ZNF143: variants seen among roughly 807,000 people sequenced by gnomAD.
The protein encoded by ZNF143 is zinc finger protein 143.
A neutral mutation model predicts 74.1 loss-of-function variants in ZNF143; 49 were observed. That is an observed-to-expected ratio of 0.66 (90% CI 0.53 to 0.84). The LOEUF (loss-of-function observed/expected upper bound fraction) is 0.84, where lower values mean the gene tolerates loss of function less well. Among genes scored for constraint, ZNF143 ranks in the 40% least tolerant of loss-of-function variants. The pLI, the probability that ZNF143 is intolerant of heterozygous loss-of-function variation, is 0.00. For missense variants in ZNF143, 637 were observed against 793.4 expected, an observed-to-expected ratio of 0.80 and a Z score of 2.37; for synonymous variants, 304 against 282.8, an observed-to-expected ratio of 1.07 and a Z score of -0.75.
intron 15 of ZNF143, 59 bp from the exon 16 acceptor site, chr11:9,527,471 C>T: frequency 6.6e-7 from 1 of 1,515,030 alleles, no homozygotes; most frequent in Non-Finnish European, 9.2e-7. Context: ...ATTTCTTTGG[C>T]ATTTTCTTGA....
chr11:9,509,840 T>C (rs1835655705), intron 12 of ZNF143, among the ~76,000 whole-genome samples: 1 of 152,196 alleles, frequency 6.6e-6, no homozygotes, highest in African/African-American at 2.4e-5. Context: ...ATTACATCAA[T>C]TGGGGAGATA....
At position 9,512,610 on chromosome 11, in the gene ZNF143, A is replaced by C. The variant is rs759275776; in HGVS notation, c.1524+14A>C. On this transcript the variant is annotated intron_variant, in intron 13 of 15. Coordinates refer to ENST00000396602, the MANE Select transcript of ZNF143 (RefSeq NM_003442.6). ...GGGACTCAGCATGTAAGTATCCACC[A>C]AAAGCCAAACAAATTAAATCTTTCT... The C allele has an allele frequency of 1.2e-6, 2 of 1,612,820 alleles. No homozygotes were observed. Among genetic ancestry groups the C allele is most frequent in the African/African-American group, 2.7e-5 (2 of 75,062 alleles).
chr11:9,480,544 A>G (rs1417110807), intron 7 of ZNF143, among the ~76,000 whole-genome samples: 1 of 152,308 alleles, frequency 6.6e-6, no homozygotes, highest in South Asian at 2.1e-4. Context: ...TTACATTTAT[A>G]TTAATAGTAA....
intron 5 of ZNF143, among the ~76,000 whole-genome samples, chr11:9,476,746 C>CATTTTTTTTTTTT (rs1856918662): frequency 2.9e-5 from 1 of 34,834 alleles, no homozygotes; most frequent in Non-Finnish European, 5.3e-5. Flanking sequence ...AGGGAGGAAT[C>CATTTTTTTTTTTT]TTTTTTTTTT....
At chr11:9,478,863 A>G (rs1041230372) in intron 6 of ZNF143, among the ~76,000 whole-genome samples, 1 of 152,162 alleles carries the variant, frequency 6.6e-6, no homozygotes, top group African/African-American at 2.4e-5. Flanking sequence ...ATCAGCATTT[A>G]TCTTAAGTGA....
At chr11:9,488,346 A>G (rs1005598940) in intron 7 of ZNF143, among the ~76,000 whole-genome samples, 19 of 152,166 alleles carry the variant, frequency 1.2e-4, no homozygotes, top group Admixed American at 2.0e-4. Context: ...TTTGGCTTTC[A>G]TTGTCTAGGC....
intron 10 of ZNF143, among the ~76,000 whole-genome samples, chr11:9,498,960 C>T (rs919382659): frequency 1.3e-5 from 2 of 152,134 alleles, no homozygotes; most frequent in Admixed American, 1.3e-4. Context: ...CATTCATGCA[C>T]TTTTTATTTA....
At position 9,473,732 on chromosome 11, in the gene ZNF143, C is replaced by A. The variant is rs1442968199; in HGVS notation, c.206-209C>A. On this transcript the variant is annotated intron_variant, in intron 3 of 15. Coordinates refer to ENST00000396602, the MANE Select transcript of ZNF143 (RefSeq NM_003442.6). ...CTTGACCTCATCTAATTGAAAATTGCAGGGGAGGAAGGATGGCTGAGGGAG... is the reference window on the plus strand; with the variant it reads ...CTTGACCTCATCTAATTGAAAATTGAAGGGGAGGAAGGATGGCTGAGGGAG... 3 of 1,482,322 alleles carry A rather than the reference C, an allele frequency of 2.0e-6. No homozygotes were observed. The Admixed American group carries it at 6.0e-5, about 30-fold the overall frequency. 91.8% of individuals were successfully genotyped at this position (1,482,322 alleles called of 1,614,324 possible). A position where few individuals can be genotyped will look rare whatever the true frequency, so the allele number is the denominator to read the frequency against.
At chr11:9,466,804 CGAT>C (rs1437910485) in intron 1 of ZNF143, among the ~76,000 whole-genome samples, 3 of 151,870 alleles carry the variant, frequency 2.0e-5, no homozygotes, top group Admixed American at 1.3e-4. Flanking sequence ...TAGACTGAAA[CGAT>C]GAGAATATGG....
intron 1 of ZNF143, among the ~76,000 whole-genome samples, chr11:9,469,175 C>T (rs1215956350): frequency 4.9e-5 from 7 of 143,516 alleles, no homozygotes; most frequent in Non-Finnish European, 7.6e-5. Flanking sequence ...CTTTTTGTAA[C>T]TGAAAATTAG....
chr11:9,491,489 A>T (rs1172364599), intron 7 of ZNF143, among the ~76,000 whole-genome samples: 1 of 152,046 alleles, frequency 6.6e-6, no homozygotes, highest in East Asian at 1.9e-4. Context: ...ACACAAAAAA[A>T]TTAGCCCGGC....
chr11:9,479,260 C>T (rs1194466437), intron 6 of ZNF143, among the ~76,000 whole-genome samples: 1 of 152,120 alleles, frequency 6.6e-6, no homozygotes, highest in Non-Finnish European at 1.5e-5. Context: ...CTGCCTCAGC[C>T]TCCCAAAGTG....
At chr11:9,520,649 T>TG in intron 14 of ZNF143, among the ~76,000 whole-genome samples, 1 of 152,076 alleles carries the variant, frequency 6.6e-6, no homozygotes, top group East Asian at 2.0e-4. Context: ...AAAATTAGCA[T>TG]GGTGTGGTGT....
chr11:9,525,542 G>C, intron 15 of ZNF143, 156 bp downstream of exon 15: 1 of 985,490 alleles, frequency 1.0e-6, no homozygotes, highest in Non-Finnish European at 1.6e-6. Flanking sequence ...TATTTGAGGT[G>C]GACTCAAAAA....
Position 9,525,131 on chromosome 11 carries a change from G to T in ZNF143, c.1687-109G>T, listed in dbSNP as rs149319792. 163 of 1,265,846 alleles carry T rather than the reference G, an allele frequency of 1.3e-4. No homozygotes were observed. The Middle Eastern group carries it at 1.3e-3, about 10-fold the overall frequency. The allele number at this position is 1,265,846 out of a possible 1,614,324, so 78.4% of individuals were successfully genotyped here. A position where few individuals can be genotyped will look rare whatever the true frequency, so the allele number is the denominator to read the frequency against. On this transcript the variant is annotated intron_variant, in intron 14 of 15. Coordinates refer to ENST00000396602, the MANE Select transcript of ZNF143 (RefSeq NM_003442.6). ...GGCTTTGACAAGTCTATGGTCAGAG[G>T]AGTTTTTCCTTTTCAATTTGAAGAA...
intron 14 of ZNF143, among the ~76,000 whole-genome samples, chr11:9,518,069 C>T (rs941195336): frequency 6.6e-6 from 1 of 152,072 alleles, no homozygotes; most frequent in Non-Finnish European, 1.5e-5. Context: ...GATGAACAAC[C>T]GTTAAAAATG....
rs188132861 is a variant in ZNF143 at position 9,505,022 on chromosome 11, G to T, written c.1148-3597G>T. ...GGAGTCACGCCCTGTCACCCAGGCTGGAGTGCAATGGCACGATCTAGGCTC... is the reference window on the plus strand; with the variant it reads ...GGAGTCACGCCCTGTCACCCAGGCTTGAGTGCAATGGCACGATCTAGGCTC... On this transcript the variant is annotated intron_variant, in intron 11 of 15. Transcript: ENST00000396602. 2.3e-3 allele frequency among the ~76,000 whole-genome samples: 255 copies of T among 109,062 alleles called. 16 individuals carry two copies. Among genetic ancestry groups the T allele is most frequent in the African/African-American group, 7.2e-3 (250 of 34,552 alleles). 71.5% of individuals were successfully genotyped at this position (109,062 alleles called of 152,430 possible).
At chr11:9,466,453 G>C (rs1190268713) in intron 1 of ZNF143, among the ~76,000 whole-genome samples, 1 of 147,534 alleles carries the variant, frequency 6.8e-6, no homozygotes, top group Non-Finnish European at 1.5e-5. Flanking sequence ...CTGCCACCAC[G>C]CCTGGCTAAT....
chr11:9,520,288 G>A (rs1401113967), intron 14 of ZNF143, among the ~76,000 whole-genome samples: 1 of 149,186 alleles, frequency 6.7e-6, no homozygotes, highest in South Asian at 2.1e-4. Flanking sequence ...CACCCGCCTC[G>A]GCTTCCCAAA....
Sources: gnomAD v4.1 joint callset for allele counts (sites outside exome capture counted in the v4.1 genomes callset) on GRCh38, gnomAD v4.1.1 for gene constraint, MANE v1.5 for transcripts, NCBI Gene and HGNC (gene_info 2026-07-23, HGNC 2026-07-21) for gene names.